The following GRID2 variants were observed in gnomAD, a reference collection of about 807,000 sequenced individuals.
GRID2 encodes the protein glutamate ionotropic receptor delta type subunit 2, also known as glutamate receptor ionotropic, delta-2.
GRID2 carries 33 observed loss-of-function variants against 114.8 expected under a neutral mutation model. That is an observed-to-expected ratio of 0.29 (90% confidence interval 0.22 to 0.38). The LOEUF (loss-of-function observed/expected upper bound fraction) is 0.38. Ranked by LOEUF, GRID2 falls within the 10% of genes least tolerant of loss-of-function variation. GRID2 has a pLI of 1.00. For missense variants in GRID2, 1,184 were observed against 1,257.7 expected, an observed-to-expected ratio of 0.94 and a Z score of 0.89; for synonymous variants, 505 against 449.9, an observed-to-expected ratio of 1.12 and a Z score of -1.55.
At chr4:92,963,075 A>C (rs924134124) in intron 2 of GRID2, among the ~76,000 whole-genome samples, 9 of 152,000 alleles carry the variant, frequency 5.9e-5, no homozygotes, top group Non-Finnish European at 1.2e-4. Context: ...TGAATACCTT[A>C]ATTTAAAATA....
intron 8 of GRID2, among the ~76,000 whole-genome samples, chr4:93,295,981 G>A (rs1754268471): frequency 6.6e-6 from 1 of 152,172 alleles, no homozygotes; most frequent in Non-Finnish European, 1.5e-5. Context: ...AGCTGTATTT[G>A]TTTCCTATGG....
chr4:92,992,955 C>CT (rs1289278316), intron 2 of GRID2, among the ~76,000 whole-genome samples: 2 of 151,916 alleles, frequency 1.3e-5, no homozygotes, highest in Admixed American at 1.3e-4. Flanking sequence ...TAATAAAACT[C>CT]TTGTCACTTT....
intron 4 of GRID2, among the ~76,000 whole-genome samples, chr4:93,133,132 T>A (rs1395845340): frequency 6.6e-6 from 1 of 152,198 alleles, no homozygotes; most frequent in Non-Finnish European, 1.5e-5. Context: ...CTTTGCATGC[T>A]CTTGCATGCA....
chr4:93,771,470 G>A (rs1218346269), intron 15 of GRID2, among the ~76,000 whole-genome samples: 1 of 152,138 alleles, frequency 6.6e-6, no homozygotes, highest in Non-Finnish European at 1.5e-5. Context: ...TAGATACCTT[G>A]AGTGCATAAA....
intron 2 of GRID2, among the ~76,000 whole-genome samples, chr4:92,614,271 A>C (rs1729896350): frequency 6.6e-6 from 1 of 151,554 alleles, no homozygotes; most frequent in African/African-American, 2.4e-5. Context: ...TCCAAATATG[A>C]ATGAGAACTA....
intron 1 of GRID2, among the ~76,000 whole-genome samples, chr4:92,440,643 C>T (rs559984134): frequency 3.7e-4 from 56 of 152,066 alleles, no homozygotes; most frequent in East Asian, 1.7e-3. Context: ...TTCTGAGAGG[C>T]GGGCTAGTGG....
At chr4:93,696,093 A>C (rs571727337) in intron 14 of GRID2, among the ~76,000 whole-genome samples, 1 of 152,304 alleles carries the variant, frequency 6.6e-6, no homozygotes, top group South Asian at 2.1e-4. Flanking sequence ...ATGAAATTCT[A>C]TTTCCAAAGG....
At chr4:92,920,911 G>C (rs1749263980) in intron 2 of GRID2, among the ~76,000 whole-genome samples, 1 of 152,148 alleles carries the variant, frequency 6.6e-6, no homozygotes, top group Admixed American at 6.5e-5. Flanking sequence ...CTAGATTGGG[G>C]AAGTTCTCCT....
chr4:93,097,807 A>C (rs1395968362), intron 3 of GRID2, among the ~76,000 whole-genome samples: 1 of 151,946 alleles, frequency 6.6e-6, no homozygotes, highest in Non-Finnish European at 1.5e-5. Flanking sequence ...CAAAAAGTAC[A>C]TATGAAACTG....
chr4:93,806,042 A>C (rs1735022271), intron 1 of GRID2, among the ~76,000 whole-genome samples: 1 of 152,196 alleles, frequency 6.6e-6, no homozygotes, highest in South Asian at 2.1e-4. Context: ...GGTTGCAGTG[A>C]GCTGAGATAA....
At position 93,448,902 on chromosome 4, in the gene GRID2, T is replaced by TC. The variant is rs1483939916; in HGVS notation, c.1546-6757dup. On this transcript the variant is annotated intron_variant, in intron 10 of 15. Coordinates refer to ENST00000282020, the MANE Select transcript of GRID2 (RefSeq NM_001510.4). ...CCTTCCCCTTCCCTTCCCTTCCCCT[T>TC]CCCTTCCCTTCCCTTCCCCTTCCCT... 1.9e-4 allele frequency among the ~76,000 whole-genome samples: 4 copies of TC among 20,532 alleles called. 1 individual carries two copies. The highest frequency in any genetic ancestry group is 4.1e-4 in the African/African-American group (1 of 2,426). 13.5% of individuals were successfully genotyped at this position (20,532 alleles called of 152,430 possible).
chr4:92,496,732 T>C (rs75062880), intron 1 of GRID2, among the ~76,000 whole-genome samples: 9,497 of 151,646 alleles, frequency 0.063, 418 homozygotes, highest in Non-Finnish European at 0.093. Flanking sequence ...AAAATGAAAA[T>C]GAATGTTGTT....
chr4:93,052,314 C>A (rs1289061934), intron 2 of GRID2, among the ~76,000 whole-genome samples: 1 of 151,892 alleles, frequency 6.6e-6, no homozygotes, highest in Non-Finnish European at 1.5e-5. Context: ...CACACTTACG[C>A]AACTTTAATT....
chr4:93,738,253 T>C (rs1731090151), intron 14 of GRID2, among the ~76,000 whole-genome samples: 1 of 152,140 alleles, frequency 6.6e-6, no homozygotes. Context: ...GGTACAAATT[T>C]GTTCGTCATA....
At chr4:92,899,881 G>T (rs1409278634) in intron 2 of GRID2, among the ~76,000 whole-genome samples, 1 of 152,120 alleles carries the variant, frequency 6.6e-6, no homozygotes, top group Non-Finnish European at 1.5e-5. Context: ...AAAGAACAGG[G>T]TCACAAAGAT....
At chr4:92,643,300 T>C (rs1731451733) in intron 2 of GRID2, among the ~76,000 whole-genome samples, 1 of 151,866 alleles carries the variant, frequency 6.6e-6, no homozygotes, top group Non-Finnish European at 1.5e-5. Flanking sequence ...TAGTTCTTAT[T>C]GTGGAGATCT....
intron 4 of GRID2, among the ~76,000 whole-genome samples, chr4:93,190,287 T>G (rs563060843): frequency 6.6e-6 from 1 of 152,256 alleles, no homozygotes; most frequent in African/African-American, 2.4e-5. Context: ...TATATTTTAT[T>G]AAACTACATC....
chr4:92,950,899 A>C (rs1175018656), intron 2 of GRID2, among the ~76,000 whole-genome samples: 1 of 152,158 alleles, frequency 6.6e-6, no homozygotes, highest in African/African-American at 2.4e-5. Context: ...TGTAGCTTTG[A>C]AAATTACTTG....
At chr4:93,231,463 G>A (rs577706500) in intron 7 of GRID2, among the ~76,000 whole-genome samples, 77 of 150,562 alleles carry the variant, frequency 5.1e-4, no homozygotes, top group African/African-American at 1.8e-3. Context: ...TACACTCTAA[G>A]GCCAGAAACA....
Sources: allele counts gnomAD v4.1 joint callset (sites outside exome capture counted in the v4.1 genomes callset), GRCh38; gene constraint gnomAD v4.1.1; transcripts MANE v1.5; gene names NCBI Gene and HGNC (gene_info 2026-07-23, HGNC 2026-07-21).